The following MYT1L variants were observed in gnomAD, a reference collection of about 807,000 sequenced individuals.
The protein encoded by MYT1L is myelin transcription factor 1-like protein.
In MYT1L, 12 loss-of-function variants were observed where a neutral mutation model predicts 126.7. The ratio of observed to expected loss-of-function variants is 0.09; its 90% CI spans 0.06 to 0.15. MYT1L has a LOEUF of 0.15. MYT1L is among the 10% of genes least tolerant of loss of function. The pLI, the probability that MYT1L is intolerant of heterozygous loss-of-function variation, is 1.00. For synonymous variants in MYT1L, 541 were observed against 604.2 expected, an observed-to-expected ratio of 0.90 and a Z score of 1.53; for missense variants, 979 against 1,585.2, an observed-to-expected ratio of 0.62 and a Z score of 6.49.
intron 3 of MYT1L, among the ~76,000 whole-genome samples, chr2:2,061,628 G>GT (rs1228044667): frequency 6.6e-6 from 1 of 152,066 alleles, no homozygotes; most frequent in Non-Finnish European, 1.5e-5. Flanking sequence ...GATGAAACGC[G>GT]TAACTGCGCT....
At position 2,280,927 on chromosome 2, in the gene MYT1L, C is replaced by T. The variant is rs573138281; in HGVS notation, c.-421+3477G>A. On this transcript the variant is annotated intron_variant, in intron 2 of 24. Coordinates refer to ENST00000647738, the MANE Select transcript of MYT1L (RefSeq NM_001303052.2). The stretch of plus-strand genomic sequence containing the variant: ...AGAAGGCTGGTGGCTTGCCTCGGTG[C>T]GGCCATAGGGGACACACTAGGTTTT... 1.1e-4 allele frequency among the ~76,000 whole-genome samples: 16 copies of T among 152,260 alleles called. 1 individual carries two copies. The highest frequency in any genetic ancestry group is 6.8e-3 in the Middle Eastern group (2 of 294).
At chr2:2,251,544 C>A (rs1371091661) in intron 2 of MYT1L, among the ~76,000 whole-genome samples, 3 of 152,142 alleles carry the variant, frequency 2.0e-5, no homozygotes, top group African/African-American at 7.2e-5. Context: ...TTATGAAGCG[C>A]TATTATTCCA....
chr2:2,104,041 G>C (rs2078438268), intron 3 of MYT1L, among the ~76,000 whole-genome samples: 1 of 152,196 alleles, frequency 6.6e-6, no homozygotes. Context: ...TTTGAAGAGA[G>C]TTCAGGATAG....
At chr2:1,868,150 A>AC (rs1443208678) in intron 18 of MYT1L, among the ~76,000 whole-genome samples, 1 of 152,064 alleles carries the variant, frequency 6.6e-6, no homozygotes, top group South Asian at 2.1e-4. Flanking sequence ...TTTAGTAAAG[A>AC]TGGGGTTTCA....
In MYT1L at chr2:2,224,099, G is replaced by A. The variant is rs2093951593; in HGVS notation, c.-420-51111C>T. Among the ~76,000 whole-genome samples, 1 of 152,144 alleles carries A rather than the reference G, an allele frequency of 6.6e-6. No individual in the cohort carries two copies. Among genetic ancestry groups the A allele is most frequent in the Admixed American group, 6.5e-5 (1 of 15,282 alleles). ...TGAAAGACAAAATAATGAATTGGTG[G>A]GGAGTTATCTAAGGAGGACAAGCCT... On this transcript the variant is annotated intron_variant, in intron 2 of 24. Transcript: ENST00000647738. The surrounding 1 kb of genome is among the most constrained non-coding windows in gnomAD (Gnocchi z 4.0).
intron 3 of MYT1L, among the ~76,000 whole-genome samples, chr2:2,076,438 A>C (rs1311705517): frequency 6.6e-6 from 1 of 152,192 alleles, no homozygotes; most frequent in Non-Finnish European, 1.5e-5. Flanking sequence ...TCCTCTGGCT[A>C]TTCATTGGCC....
rs74354777 is a variant in MYT1L, at chr2:1,887,429, A to C, written c.2642+59T>G. ...GCATATACAGATCCAGTTTTAAAAAATCAGCCAAAGAATGGGAAGATTAAG... is the reference window on the plus strand; with the variant it reads ...GCATATACAGATCCAGTTTTAAAAACTCAGCCAAAGAATGGGAAGATTAAG... On this transcript the variant is annotated intron_variant, in intron 17 of 24. Coordinates refer to ENST00000647738, the MANE Select transcript of MYT1L (RefSeq NM_001303052.2). This position sits in a 1 kb window ranked among gnomAD's most constrained non-coding sequence, Gnocchi z 4.8. 7.2e-3 allele frequency: 11,642 copies of C among 1,611,086 alleles called. 61 individuals are homozygous for C. Among genetic ancestry groups the C allele is most frequent in the Non-Finnish European group, 9.0e-3 (10,612 of 1,177,532 alleles).
Position 1,873,957 on chromosome 2 carries a change from C to G in MYT1L, c.2711+12582G>C, listed in dbSNP as rs538276372. Among the ~76,000 whole-genome samples, 14 of 151,986 alleles carry G rather than the reference C, an allele frequency of 9.2e-5. No individual in the cohort carries two copies. The East Asian group carries it at 2.7e-3, about 30-fold the overall frequency. ...GGTGGAGAGGGATGGTCAAAGATACCGGACTCTATGAGGGATGGTCAAAGA... is the reference window on the plus strand; with the variant it reads ...GGTGGAGAGGGATGGTCAAAGATACGGGACTCTATGAGGGATGGTCAAAGA... On this transcript the variant is annotated intron_variant, in intron 18 of 24. Transcript: ENST00000647738.
At chr2:2,148,008 G>A (rs972871804) in intron 3 of MYT1L, among the ~76,000 whole-genome samples, 3 of 152,208 alleles carry the variant, frequency 2.0e-5, no homozygotes, top group Non-Finnish European at 4.4e-5. Context: ...AGAGAATGCT[G>A]TTGGAGGAGA....
intron 4 of MYT1L, among the ~76,000 whole-genome samples, chr2:2,020,819 T>C (rs2064953084): frequency 6.6e-6 from 1 of 152,248 alleles, no homozygotes; most frequent in African/African-American, 2.4e-5. Context: ...AATCCTTGCA[T>C]ATATTTGATT....
At chr2:2,051,987 C>T (rs2068883270) in intron 4 of MYT1L, among the ~76,000 whole-genome samples, 2 of 151,806 alleles carry the variant, frequency 1.3e-5, no homozygotes, top group Admixed American at 1.3e-4. Context: ...CCCCAAATAG[C>T]CAAAACTATA....
At chr2:2,297,533 T>C (rs759741176) in intron 1 of MYT1L, among the ~76,000 whole-genome samples, 1 of 152,178 alleles carries the variant, frequency 6.6e-6, no homozygotes, top group African/African-American at 2.4e-5. Context: ...CGTTCATACT[T>C]ATTTCATACA....
In MYT1L at chr2:1,990,962, C is replaced by T. The variant is rs115399929; in HGVS notation, c.-1+6229G>A. ...CATCTGGGTCCTCCTGCCGTGCCAG[C>T]TTCCTTTGTGGGCTAAGCTCATCCC... On this transcript the variant is annotated intron_variant, in intron 5 of 24. Transcript: ENST00000647738. Among the ~76,000 whole-genome samples, 256 of 152,338 alleles carry T rather than the reference C, an allele frequency of 1.7e-3. 1 individual carries two copies. Among genetic ancestry groups the T allele is most frequent in the African/African-American group, 5.9e-3 (247 of 41,582 alleles).
At chr2:2,308,032 A>C (rs1019259488) in intron 1 of MYT1L, among the ~76,000 whole-genome samples, 25 of 149,476 alleles carry the variant, frequency 1.7e-4, no homozygotes, top group African/African-American at 5.7e-4. Flanking sequence ...TGCTCCACCT[A>C]TGCCTTAGTA....
intron 4 of MYT1L, among the ~76,000 whole-genome samples, chr2:2,002,170 G>C (rs1426138607): frequency 6.6e-6 from 1 of 152,064 alleles, no homozygotes. Flanking sequence ...ACTCACAAAT[G>C]AATTGTGGCC....
chr2:2,046,755 T>G (rs1048252132), intron 4 of MYT1L, among the ~76,000 whole-genome samples: 3 of 152,230 alleles, frequency 2.0e-5, no homozygotes, highest in African/African-American at 7.2e-5. Context: ...ATTTGTACAC[T>G]AAATATCTAG....
At chr2:2,070,183 A>T (rs1318483004) in intron 3 of MYT1L, among the ~76,000 whole-genome samples, 1 of 152,148 alleles carries the variant, frequency 6.6e-6, no homozygotes, top group Non-Finnish European at 1.5e-5. Flanking sequence ...ACCTAATTTG[A>T]GTAAGAGAGA....
At chr2:1,838,152 G>A (rs1164167901) in intron 21 of MYT1L, among the ~76,000 whole-genome samples, 2 of 152,098 alleles carry the variant, frequency 1.3e-5, no homozygotes, top group Non-Finnish European at 2.9e-5. Context: ...GACCTCAGGT[G>A]ATCTGCCCAC....
intron 3 of MYT1L, among the ~76,000 whole-genome samples, chr2:2,081,286 T>G (rs1388396259): frequency 6.6e-6 from 1 of 152,186 alleles, no homozygotes; most frequent in African/African-American, 2.4e-5. Context: ...CTCCTGTTAG[T>G]TGCATCTTCA....
Sources: allele counts gnomAD v4.1 joint callset (sites outside exome capture counted in the v4.1 genomes callset), GRCh38; gene constraint gnomAD v4.1.1; non-coding constraint Gnocchi (gnomAD v3.1); transcripts MANE v1.5; gene names NCBI Gene and HGNC (gene_info 2026-07-23, HGNC 2026-07-21).